ABAT: variants seen among roughly 807,000 people sequenced by gnomAD.
ABAT encodes the protein 4-aminobutyrate aminotransferase.
ABAT carries 45 observed loss-of-function variants against 64.6 expected under a neutral mutation model. The observed-to-expected ratio is 0.70, with a 90% CI of 0.55 to 0.89. The LOEUF is 0.89. Among genes scored for constraint, ABAT ranks in the 40% least tolerant of loss-of-function variants. The probability of loss-of-function intolerance (pLI) is 0.00; values close to 1 mark genes in which losing one functional copy is unlikely to be tolerated. For missense variants in ABAT, 633 were observed against 658.4 expected (o/e 0.96, Z 0.42); for synonymous variants, 297 against 250.5 (o/e 1.19, Z -1.75).
At chr16:8,710,727 A>AGAGAGAGAGAGGGAGAGGGAGAGGGAGG (rs146344975) in intron 1 of ABAT, among the ~76,000 whole-genome samples, 4 of 103,756 alleles carry the variant, frequency 3.9e-5, no homozygotes, top group African/African-American at 9.4e-5. Flanking sequence ...AGAGAGAGAG[A>AGAGAGAGAGAGGGAGAGGGAGAGGGAGG]GAGGAAATAG....
At chr16:8,756,130 G>A (rs1178913490) in intron 5 of ABAT, among the ~76,000 whole-genome samples, 2 of 152,070 alleles carry the variant, frequency 1.3e-5, no homozygotes, top group African/African-American at 4.8e-5. Context: ...CGAGACACGA[G>A]AATCGCTTGA....
chr16:8,737,031 G>T (rs1354335117), intron 2 of ABAT: 1 of 152,374 alleles, frequency 6.6e-6, no homozygotes, highest in East Asian at 1.9e-4. Flanking sequence ...TGTCATCATG[G>T]TGTCCCTTGT....
chr16:8,710,599 G>A (rs911263401), intron 1 of ABAT, among the ~76,000 whole-genome samples: 1 of 151,808 alleles, frequency 6.6e-6, no homozygotes, highest in Non-Finnish European at 1.5e-5. Flanking sequence ...TTACCCAGGG[G>A]TGGTAGTGCA....
At chr16:8,756,276 C>T (rs907526824) in intron 5 of ABAT, among the ~76,000 whole-genome samples, 22 of 152,020 alleles carry the variant, frequency 1.4e-4, no homozygotes, top group Middle Eastern at 3.2e-3. Flanking sequence ...GGCCAACATG[C>T]GATAGAATGG....
intron 15 of ABAT, 127 bp downstream of exon 15, chr16:8,779,717 G>A (rs2060376886): frequency 2.7e-6 from 2 of 739,772 alleles, no homozygotes; most frequent in South Asian, 2.9e-5. Flanking sequence ...TCTGAAAAGA[G>A]CCTGAATGCT....
rs137906017 is a variant in ABAT at position 8,724,406 on chromosome 16, A to G, written c.-41-11293A>G. Among the ~76,000 whole-genome samples the G allele has an allele frequency of 4.2e-4, 64 of 152,312 alleles. No homozygotes were observed. In the East Asian group the frequency reaches 8.1e-3, roughly 19 times the overall value. ...GGCCAGCACTGGCACGTGTTGTAAC[A>G]TTTATTTGCCATTTCAATACTGCAC... On this transcript the variant is annotated intron_variant, in intron 1 of 15. Coordinates refer to ENST00000268251, the MANE Select transcript of ABAT (RefSeq NM_020686.6).
At chr16:8,691,057 A>T (rs2057568136) in intron 1 of ABAT, among the ~76,000 whole-genome samples, 1 of 152,130 alleles carries the variant, frequency 6.6e-6, no homozygotes, top group African/African-American at 2.4e-5. Flanking sequence ...GGAAAAAAAA[A>T]AACCCTGAAA....
chr16:8,743,633 TTA>T (rs2059242363), intron 2 of ABAT, among the ~76,000 whole-genome samples: 2 of 53,082 alleles, frequency 3.8e-5, no homozygotes, highest in Non-Finnish European at 8.1e-5. Flanking sequence ...GATATATATT[TTA>T]GTTATAATAT....
At chr16:8,689,079 CA>C (rs35850996) in intron 1 of ABAT, among the ~76,000 whole-genome samples, 1,348 of 85,848 alleles carry the variant, frequency 0.016, 15 homozygotes, top group African/African-American at 0.043. Flanking sequence ...GACCCTGTCT[CA>C]AAAAAAAAAA....
chr16:8,677,401 T>A lies in ABAT; in HGVS notation c.-42+2690T>A, dbSNP rs1295916950. ...ATGGACCACAGACCCTGAAGCCAGA[T>A]GGAGTAGAGAGTTGGCCACTGGTAG... On this transcript the variant is annotated intron_variant, in intron 1 of 15. Transcript: ENST00000268251. Among the ~76,000 whole-genome samples, 4 of 152,186 alleles carry A rather than the reference T, an allele frequency of 2.6e-5. No individual in the cohort carries two copies. The East Asian group carries it at 7.7e-4, about 29-fold the overall frequency.
chr16:8,702,347 G>C (rs2057842857), intron 1 of ABAT, among the ~76,000 whole-genome samples: 1 of 152,016 alleles, frequency 6.6e-6, no homozygotes, highest in Non-Finnish European at 1.5e-5. Flanking sequence ...CCGCCTCCTG[G>C]GTTCAAGCAA....
At chr16:8,696,334 G>A (rs2141999114) in intron 1 of ABAT, among the ~76,000 whole-genome samples, 1 of 152,192 alleles carries the variant, frequency 6.6e-6, no homozygotes, top group African/African-American at 2.4e-5. Context: ...CAAAAATTTT[G>A]GGATCAGGCT....
At chr16:8,709,526 A>T (rs9941133) in intron 1 of ABAT, among the ~76,000 whole-genome samples, 4,160 of 152,206 alleles carry the variant, frequency 0.027, 106 homozygotes, top group East Asian at 0.11. Flanking sequence ...GGCTCCTGCC[A>T]CCATACCCAG....
intron 1 of ABAT, among the ~76,000 whole-genome samples, chr16:8,707,108 C>G (rs565098422): frequency 1.3e-5 from 2 of 152,280 alleles, no homozygotes; most frequent in South Asian, 2.1e-4. Flanking sequence ...AAGTGACAGG[C>G]TAGGGGAGTG....
At chr16:8,761,759 G>C (rs972245312) in intron 6 of ABAT, among the ~76,000 whole-genome samples, 3 of 152,122 alleles carry the variant, frequency 2.0e-5, no homozygotes, top group African/African-American at 7.2e-5. Context: ...ATGCACTCAG[G>C]TGGTGGCAAT....
chr16:8,759,077 G>A (rs752455410), intron 6 of ABAT, among the ~76,000 whole-genome samples: 4 of 152,018 alleles, frequency 2.6e-5, no homozygotes, highest in African/African-American at 9.7e-5. Context: ...ACTCCAGCTT[G>A]GGTGACAGAG....
Position 8,764,664 on chromosome 16 carries a change from C to A in ABAT, c.448-74C>A. On this transcript the variant is annotated intron_variant, in intron 7 of 15. Transcript: ENST00000268251. The surrounding 1 kb of genome is among the most constrained non-coding windows in gnomAD (Gnocchi z 4.2). Reference sequence around the variant, plus strand: ...CCCCGGTACGGCCCCTGCGAAGATTCAGCTCCAGCCAGGGGAAGCGGGAGG... The same window carrying A: ...CCCCGGTACGGCCCCTGCGAAGATTAAGCTCCAGCCAGGGGAAGCGGGAGG... The A allele has an allele frequency of 7.2e-7, 1 of 1,396,062 alleles. No homozygotes were observed. The highest frequency in any genetic ancestry group is 1.0e-6 in the Non-Finnish European group (1 of 983,032). The allele number at this position is 1,396,062 out of a possible 1,614,324, so 86.5% of individuals were successfully genotyped here.
chr16:8,708,181 AGAG>A (rs2057990892), intron 1 of ABAT, among the ~76,000 whole-genome samples: 1 of 151,996 alleles, frequency 6.6e-6, no homozygotes, highest in African/African-American at 2.4e-5. Flanking sequence ...CTGCTGGGAG[AGAG>A]AATTTGTTTG....
intron 14 of ABAT, 75 bp from the exon 15 acceptor site, chr16:8,779,404 C>G (rs1187251880): frequency 1.1e-5 from 14 of 1,308,546 alleles, no homozygotes; most frequent in East Asian, 7.0e-5. Flanking sequence ...AGGCCTTTGA[C>G]GAAGCACAGC....
Sources: gnomAD v4.1 joint callset for allele counts (sites outside exome capture counted in the v4.1 genomes callset) on GRCh38, gnomAD v4.1.1 for gene constraint, Gnocchi (gnomAD v3.1) non-coding constraint, MANE v1.5 for transcripts, NCBI Gene and HGNC (gene_info 2026-07-23, HGNC 2026-07-21) for gene names.